Variants in KLHL8 observed in about 807,000 individuals in gnomAD.
The protein encoded by KLHL8 is kelch-like protein 8.
A neutral mutation model predicts 63.5 loss-of-function variants in KLHL8; 38 were observed. The ratio of observed to expected loss-of-function variants is 0.60; its 90% CI spans 0.46 to 0.78. KLHL8 has a LOEUF of 0.78. Among genes scored for constraint, KLHL8 ranks in the 30% least tolerant of loss-of-function variants. KLHL8 has a pLI of 0.00. For synonymous variants in KLHL8, 224 were observed against 254.3 expected, an observed-to-expected ratio of 0.88 and a Z score of 1.13; for missense variants, 566 against 752.4, an observed-to-expected ratio of 0.75 and a Z score of 2.90.
intron 1 of KLHL8, among the ~76,000 whole-genome samples, chr4:87,236,663 CTTTT>C (rs34454982): frequency 9.1e-6 from 1 of 110,422 alleles, no homozygotes. Context: ...TGTACTGTGT[CTTTT>C]TTTTTTTTTT....
chr4:87,236,908 C>G (rs1343183046), intron 1 of KLHL8, among the ~76,000 whole-genome samples: 2 of 152,106 alleles, frequency 1.3e-5, no homozygotes, highest in Non-Finnish European at 2.9e-5. Context: ...AGGTGAGCCA[C>G]TCGCTTCGGT....
rs1283745024 is a variant in KLHL8, at chr4:87,226,743, ATAT to A, written n.58-5356_58-5354del. On this transcript the variant is annotated intron_variant and non_coding_transcript_variant, in intron 1 of 1. Transcript: ENST00000506274. ...TTTATATATAATATATATTATTTAT[ATAT>A]AATATATATTATTTATATATAATAT... Among the ~76,000 whole-genome samples the A allele has an allele frequency of 5.3e-4, 13 of 24,436 alleles. 2 individuals are homozygous for A. Among genetic ancestry groups the A allele is most frequent in the South Asian group, 1.3e-3 (1 of 780 alleles). The allele number at this position is 24,436 out of a possible 152,430, so 16.0% of individuals were successfully genotyped here. A position where few individuals can be genotyped will look rare whatever the true frequency, so the allele number is the denominator to read the frequency against.
chr4:87,164,064 T>A lies in KLHL8; in HGVS notation c.1553A>T (p.Asn518Ile). ...CCGCTCAACTGAACTCAGAGGAGAA[T>A]TATCATCAAAACCACCTATGTAAAG... is the stretch of plus-strand genomic sequence containing the variant. ...CLYVVGGFDD[N>I]SPLSSVERYD... Residue 518 changes from asparagine (N) to isoleucine (I), a missense_variant, in exon 9 of 10, where the codon AAT becomes ATT. By Grantham distance (149) the Asn-to-Ile change is moderately radical. Coordinates refer to ENST00000273963, the MANE Select transcript of KLHL8 (RefSeq NM_020803.5). 1 of 1,614,018 alleles carries A rather than the reference T, an allele frequency of 6.2e-7. No individual in the cohort carries two copies. Among genetic ancestry groups the A allele is most frequent in the Non-Finnish European group, 8.5e-7 (1 of 1,179,892 alleles).
At chr4:87,223,480 T>C (rs1416368285), upstream of KLHL8, among the ~76,000 whole-genome samples, 1 of 152,120 alleles carries the variant, frequency 6.6e-6, no homozygotes, top group Non-Finnish European at 1.5e-5. Flanking sequence ...AGCTAGGAAC[T>C]GGGAAATACG....
chr4:87,169,840 G>T (rs1332945402), intron 8 of KLHL8, among the ~76,000 whole-genome samples: 2 of 149,220 alleles, frequency 1.3e-5, no homozygotes, highest in Non-Finnish European at 3.0e-5. Context: ...ACTTCAGCCT[G>T]GGCAACAGAA....
intron 1 of KLHL8, among the ~76,000 whole-genome samples, chr4:87,230,098 G>C (rs1733108772): frequency 6.6e-6 from 1 of 152,122 alleles, no homozygotes. Flanking sequence ...ACAGATTCTA[G>C]AGGCAGCTGC....
chr4:87,175,914 T>C (rs1470648302), intron 6 of KLHL8, among the ~76,000 whole-genome samples: 3 of 152,194 alleles, frequency 2.0e-5, no homozygotes, highest in Non-Finnish European at 4.4e-5. Context: ...AAAGTCAGTA[T>C]CTTATTTAAT....
At chr4:87,187,971 C>A (rs532437842) in intron 2 of KLHL8, among the ~76,000 whole-genome samples, 1 of 152,154 alleles carries the variant, frequency 6.6e-6, no homozygotes, top group Admixed American at 6.5e-5. Flanking sequence ...AATGGTTTTG[C>A]TTATAAAAGC....
intron 4 of KLHL8, among the ~76,000 whole-genome samples, chr4:87,182,832 G>A (rs1461573609): frequency 1.3e-5 from 2 of 152,112 alleles, no homozygotes; most frequent in African/African-American, 4.8e-5. Context: ...CAAGTTCCAT[G>A]CTTGGCCCTA....
chr4:87,165,080 C>T lies in KLHL8; in HGVS notation c.1538-1001G>A, dbSNP rs372285207. Reference sequence around the variant, plus strand: ...AGGACAATGGCGTGAACCTGGGAGGCGGACGCTTGCAGTGAGCCGAGATTG... The same window carrying T: ...AGGACAATGGCGTGAACCTGGGAGGTGGACGCTTGCAGTGAGCCGAGATTG... On this transcript the variant is annotated intron_variant, in intron 8 of 9. Coordinates refer to ENST00000273963, the MANE Select transcript of KLHL8 (RefSeq NM_020803.5). 3.1e-4 allele frequency among the ~76,000 whole-genome samples: 43 copies of T among 138,752 alleles called. No individual in the cohort carries two copies. The East Asian group carries it at 5.2e-3, about 17-fold the overall frequency. 91.0% of individuals were successfully genotyped at this position (138,752 alleles called of 152,430 possible).
chr4:87,229,253 G>A (rs1188124339), intron 1 of KLHL8, among the ~76,000 whole-genome samples: 1 of 152,056 alleles, frequency 6.6e-6, no homozygotes, highest in African/African-American at 2.4e-5. Flanking sequence ...CTGCCTTTAT[G>A]CTTGCAACTG....
chr4:87,234,113 A>G (rs1733185246), intron 1 of KLHL8, among the ~76,000 whole-genome samples: 1 of 152,178 alleles, frequency 6.6e-6, no homozygotes, highest in African/African-American at 2.4e-5. Flanking sequence ...TTTGGTCAAC[A>G]AAGGACTGCA....
chr4:87,194,515 AT>A, intron 2 of KLHL8, among the ~76,000 whole-genome samples: 1 of 152,310 alleles, frequency 6.6e-6, no homozygotes, highest in East Asian at 1.9e-4. Flanking sequence ...TACAAAAAAA[AT>A]GTTTTAAATT....
intron 8 of KLHL8, among the ~76,000 whole-genome samples, chr4:87,169,117 A>C (rs1212535352): frequency 6.6e-6 from 1 of 151,848 alleles, no homozygotes; most frequent in Non-Finnish European, 1.5e-5. Flanking sequence ...TCAGCCTGGC[A>C]AACACGATGA....
intron 1 of KLHL8, among the ~76,000 whole-genome samples, chr4:87,230,383 A>T (rs1432807853): frequency 2.6e-5 from 4 of 152,172 alleles, no homozygotes; most frequent in Non-Finnish European, 5.9e-5. Context: ...TTCTGGCACC[A>T]ATCAAGGTGG....
rs1439838434 is a variant in KLHL8 at position 87,162,267 on chromosome 4, T to C, written c.*1252A>G. On this transcript the variant is annotated 3_prime_UTR_variant, in exon 10 of 10. Coordinates refer to ENST00000273963, the MANE Select transcript of KLHL8 (RefSeq NM_020803.5). ...TTCTTGATAAATATTTATAAAAAAA[T>C]ATACATATAATGAATAGGCCATTTT... The C allele has an allele frequency of 6.6e-6, 1 of 152,128 alleles. No homozygotes were observed. The highest frequency in any genetic ancestry group is 1.5e-5 in the Non-Finnish European group (1 of 68,024). 9.4% of individuals were successfully genotyped at this position (152,128 alleles called of 1,614,324 possible).
chr4:87,214,534 A>ATT (rs954898473), intron 1 of KLHL8, among the ~76,000 whole-genome samples: 1 of 148,532 alleles, frequency 6.7e-6, no homozygotes, highest in Non-Finnish European at 1.5e-5. Flanking sequence ...TAAAATTCCT[A>ATT]TTTTTTTGCA....
chr4:87,206,993 C>T (rs1371250581), intron 1 of KLHL8: 6 of 298,704 alleles, frequency 2.0e-5, no homozygotes, highest in Admixed American at 4.5e-5. Flanking sequence ...GGTTTTTTCC[C>T]CCAATGAAAA....
rs1730275574 is a variant in KLHL8 at position 87,163,953 on chromosome 4, T to C, written c.1664A>G (p.Lys555Arg). 3 of 1,614,190 alleles carry C rather than the reference T, an allele frequency of 1.9e-6. No individual in the cohort carries two copies. The highest frequency in any genetic ancestry group is 1.7e-6 in the Non-Finnish European group (2 of 1,180,024). Residue 555 changes from lysine (K) to arginine (R), a missense_variant, in exon 9 of 10, where the codon AAA becomes AGA. Transcript: ENST00000273963. ...GGVGIATVMG[K>R]IFAVGGHNGN... ...ATTATGACCACCAACTGCAAAGATT[T>C]TGCCCATCACTGTTGCGATTCCCAC...
Sources: gnomAD v4.1 joint callset for allele counts (sites outside exome capture counted in the v4.1 genomes callset) on GRCh38, gnomAD v4.1.1 for gene constraint, MANE v1.5 for transcripts, NCBI Gene and HGNC (gene_info 2026-07-23, HGNC 2026-07-21) for gene names.